The following MYLK4 variants were observed in gnomAD, a reference collection of about 807,000 sequenced individuals.
MYLK4 encodes the protein caMLCK like.
MYLK4 carries 46 observed loss-of-function variants against 48.1 expected under a neutral mutation model. The observed-to-expected ratio is 0.96, with a 90% confidence interval of 0.75 to 1.22. The LOEUF (loss-of-function observed/expected upper bound fraction) is 1.22. MYLK4 is among the 50% of genes most tolerant of loss of function. The pLI is 0.00. For synonymous variants in MYLK4, 170 were observed against 180.8 expected, an observed-to-expected ratio of 0.94 and a Z score of 0.48; for missense variants, 451 against 486.1, an observed-to-expected ratio of 0.93 and a Z score of 0.68.
chr6:2,766,360 G>C, the MYLK4 span: 5 of 1,610,246 alleles, frequency 3.1e-6, no homozygotes, highest in Non-Finnish European at 4.2e-6. Context: ...GCAAGGCCGT[G>C]GGCCAGGATA....
intron 2 of MYLK4, among the ~76,000 whole-genome samples, chr6:2,696,679 C>T (rs1453387894): frequency 2.6e-5 from 4 of 152,234 alleles, no homozygotes; most frequent in Non-Finnish European, 5.9e-5. Flanking sequence ...ATTCTTTTAA[C>T]ATTTATATTT....
At chr6:2,675,022 A>C in intron 11 of MYLK4, 25 bp downstream of exon 11, 2 of 1,558,106 alleles carry the variant, frequency 1.3e-6, no homozygotes, top group Non-Finnish European at 1.8e-6. Context: ...GGAGAAAAAG[A>C]GGAAGAGCAA....
the MYLK4 span, among the ~76,000 whole-genome samples, chr6:2,763,190 G>A: frequency 6.6e-6 from 1 of 152,322 alleles, no homozygotes; most frequent in South Asian, 2.1e-4. Flanking sequence ...GATACAGAGT[G>A]CCGATTGGTG....
chr6:2,763,529 C>G, the MYLK4 span, among the ~76,000 whole-genome samples: 1 of 152,228 alleles, frequency 6.6e-6, no homozygotes, highest in Non-Finnish European at 1.5e-5. Context: ...AGCTCCTCAC[C>G]GTCCTGGGCC....
intron 2 of MYLK4, among the ~76,000 whole-genome samples, chr6:2,706,285 A>C (rs920489806): frequency 1.3e-5 from 2 of 152,182 alleles, no homozygotes; most frequent in Non-Finnish European, 2.9e-5. Flanking sequence ...AAGCATAAGA[A>C]TTAATTTATG....
At chr6:2,694,608 ATTGTAGTGGTGATGGCGG>A (rs879428335) in intron 2 of MYLK4, among the ~76,000 whole-genome samples, 10,742 of 34,232 alleles carry the variant, frequency 0.31, 626 homozygotes, top group Non-Finnish European at 0.37. Context: ...GGTGGTGATG[ATTGTAGTGGTGATGGCGG>A]TTGTAGTGGT....
At chr6:2,723,409 T>C (rs192044434) in intron 2 of MYLK4, among the ~76,000 whole-genome samples, 510 of 152,330 alleles carry the variant, frequency 3.3e-3, no homozygotes, top group Middle Eastern at 0.017. Context: ...AAGAGTTTAT[T>C]TTAAAGCTCT....
intron 1 of MYLK4, among the ~76,000 whole-genome samples, 191 bp from the exon 2 acceptor site, chr6:2,749,597 C>T (rs1195873733): frequency 6.6e-6 from 1 of 152,130 alleles, no homozygotes; most frequent in East Asian, 1.9e-4. Flanking sequence ...AAAATTTTTT[C>T]ACTTTAAAAC....
intron 2 of MYLK4, among the ~76,000 whole-genome samples, chr6:2,705,914 CG>C (rs1217614647): frequency 9.8e-5 from 8 of 82,050 alleles, no homozygotes; most frequent in Admixed American, 2.7e-4. Flanking sequence ...CATTTGAATT[CG>C]GGGGAAAAAA....
intron 2 of MYLK4, among the ~76,000 whole-genome samples, chr6:2,742,309 G>T (rs1356241271): frequency 1.3e-5 from 2 of 152,158 alleles, no homozygotes; most frequent in Non-Finnish European, 2.9e-5. Context: ...ATGCCGAGTT[G>T]GTGGCTTCTT....
Position 2,685,689 on chromosome 6 carries a change from G to A in MYLK4, c.342-113C>T, listed in dbSNP as rs1761512980. The A allele has an allele frequency of 3.5e-6, 3 of 863,446 alleles. No individual in the cohort carries two copies. The highest frequency in any genetic ancestry group is 5.5e-6 in the Non-Finnish European group (3 of 543,412). The allele number at this position is 863,446 out of a possible 1,614,324, so 53.5% of individuals were successfully genotyped here. ...TGAGTCTGGATGAGCAGCCCTCTGA[G>A]GAGTTCTTTCAGTAAACTTCTAGAG... On this transcript the variant is annotated intron_variant, in intron 4 of 12. Coordinates refer to ENST00000274643, the MANE Select transcript of MYLK4 (RefSeq NM_001012418.5). This position sits in a 1 kb window ranked among gnomAD's most constrained non-coding sequence, Gnocchi z 4.5.
chr6:2,722,737 A>G (rs1420301313), intron 2 of MYLK4, among the ~76,000 whole-genome samples: 4 of 152,218 alleles, frequency 2.6e-5, no homozygotes, highest in Non-Finnish European at 4.4e-5. Context: ...GGGAATGGAG[A>G]CAGAATGGGT....
chr6:2,684,257 G>T (rs563304383), intron 6 of MYLK4, among the ~76,000 whole-genome samples: 4 of 152,140 alleles, frequency 2.6e-5, no homozygotes, highest in Admixed American at 6.5e-5. Context: ...TGGTGGAGAC[G>T]CTGGACAAAG....
Position 2,685,549 on chromosome 6 carries a change from A to C in MYLK4, c.369T>G (p.Cys123Trp). ...GCTTCAGACCTGTGGCCGTCTCCTCACACTTGTGAACCTGGCCGAAACGCC... is the reference window on the plus strand; with the variant it reads ...GCTTCAGACCTGTGGCCGTCTCCTCCCACTTGTGAACCTGGCCGAAACGCC... ...GGGRFGQVHK[C>W]EETATGLKLA... is the part of the protein sequence containing the mutation. The change falls in exon 5 of 13, where the codon TGT becomes TGG. Residue 123 changes from cysteine to tryptophan, a missense_variant. Cys to Trp is a radical substitution (Grantham distance 215, BLOSUM62 -2). Coordinates refer to ENST00000274643, the MANE Select transcript of MYLK4 (RefSeq NM_001012418.5). The surrounding 1 kb of genome is among the most constrained non-coding windows in gnomAD (Gnocchi z 4.5). 6.2e-7 allele frequency: 1 copy of C among 1,614,122 alleles called. No homozygotes were observed. The highest frequency in any genetic ancestry group is 1.3e-5 in the African/African-American group (1 of 75,030).
At chr6:2,767,103 G>C in the MYLK4 span, among the ~76,000 whole-genome samples, 1 of 152,108 alleles carries the variant, frequency 6.6e-6, no homozygotes, top group Non-Finnish European at 1.5e-5. Flanking sequence ...TTGTACTCTA[G>C]AGAAGAAACA....
intron 2 of MYLK4, among the ~76,000 whole-genome samples, chr6:2,727,728 C>A (rs1221930051): frequency 6.6e-6 from 1 of 152,096 alleles, no homozygotes; most frequent in Non-Finnish European, 1.5e-5. Context: ...GTGGGCGGAT[C>A]ACGAGGTCAA....
At chr6:2,699,091 CA>C (rs1302101789) in intron 2 of MYLK4, among the ~76,000 whole-genome samples, 3 of 152,124 alleles carry the variant, frequency 2.0e-5, no homozygotes. Flanking sequence ...CACAGTGCTT[CA>C]CTCGGAAGCC....
Position 2,665,409 on chromosome 6 carries a change from C to T in MYLK4, c.*2516G>A, listed in dbSNP as rs942605388. 6.6e-6 allele frequency: 1 copy of T among 152,260 alleles called. No homozygotes were observed. The highest frequency in any genetic ancestry group is 1.5e-5 in the Non-Finnish European group (1 of 68,064). 9.4% of individuals were successfully genotyped at this position (152,260 alleles called of 1,614,324 possible). ...CCTCAGCACTCATATAAAAGGCACCCTGCTGGCATGGAGATGCCTTCCCAT... is the reference window on the plus strand; with the variant it reads ...CCTCAGCACTCATATAAAAGGCACCTTGCTGGCATGGAGATGCCTTCCCAT... On this transcript the variant is annotated 3_prime_UTR_variant, in exon 13 of 13. Coordinates refer to ENST00000274643, the MANE Select transcript of MYLK4 (RefSeq NM_001012418.5).
At chr6:2,718,387 G>T (rs919577457) in intron 2 of MYLK4, among the ~76,000 whole-genome samples, 1 of 152,128 alleles carries the variant, frequency 6.6e-6, no homozygotes, top group Non-Finnish European at 1.5e-5. Context: ...CAGATACCTG[G>T]ATAATGTGCT....
Sources: gnomAD v4.1 joint callset for allele counts (sites outside exome capture counted in the v4.1 genomes callset) on GRCh38, gnomAD v4.1.1 for gene constraint, Gnocchi (gnomAD v3.1) non-coding constraint, MANE v1.5 for transcripts, NCBI Gene and HGNC (gene_info 2026-07-23, HGNC 2026-07-21) for gene names.